Variants in CDK13 observed in about 807,000 individuals in gnomAD.
CDK13 encodes cyclin dependent kinase 13.
Under a neutral mutation model 137.6 loss-of-function variants are expected in CDK13, and 40 were observed. The observed-to-expected ratio is 0.29, with a 90% CI of 0.23 to 0.38. The LOEUF is 0.38. Among genes scored for constraint, CDK13 ranks in the 10% least tolerant of loss-of-function variants. CDK13 has a pLI of 1.00. For missense variants in CDK13, 1,704 were observed against 1,951.8 expected, an observed-to-expected ratio of 0.87 and a Z score of 2.39; for synonymous variants, 869 against 760.1, an observed-to-expected ratio of 1.14 and a Z score of -2.36.
At chr7:39,966,900 A>G (rs1783884476) in intron 1 of CDK13, among the ~76,000 whole-genome samples, 1 of 152,148 alleles carries the variant, frequency 6.6e-6, no homozygotes, top group African/African-American at 2.4e-5. Flanking sequence ...TTGCCTGGGT[A>G]TCAGCAGCGG....
chr7:40,062,606 T>A, intron 7 of CDK13: 1 of 485,578 alleles, frequency 2.1e-6, no homozygotes, highest in Non-Finnish European at 3.7e-6. Flanking sequence ...TTTGTTTTTA[T>A]CTTCATATAT....
In CDK13 at chr7:40,014,003, G is replaced by A. The variant is rs553671076; in HGVS notation, c.2353+11972G>A. 6.8e-5 allele frequency among the ~76,000 whole-genome samples: 10 copies of A among 147,822 alleles called. No homozygotes were observed. In the South Asian group the frequency reaches 2.1e-3, roughly 32 times the overall value. The stretch of plus-strand genomic sequence containing the variant: ...CAGTGCTTATTGTACATTTCAACCA[G>A]CATTTATAGTAATTTTATCTTTGGG... On this transcript the variant is annotated intron_variant, in intron 5 of 13. Coordinates refer to ENST00000181839, the MANE Select transcript of CDK13 (RefSeq NM_003718.5).
At chr7:39,997,750 TAAAATAA>T (rs769557420) in intron 3 of CDK13, 86 bp downstream of exon 3, 10 of 994,792 alleles carry the variant, frequency 1.0e-5, no homozygotes, top group Non-Finnish European at 1.5e-5. Flanking sequence ...AATTAAGGTT[TAAAATAA>T]AAAATGTACT....
At chr7:40,023,659 C>T (rs1366461293) in intron 5 of CDK13, among the ~76,000 whole-genome samples, 3 of 152,080 alleles carry the variant, frequency 2.0e-5, no homozygotes, top group Non-Finnish European at 4.4e-5. Context: ...GCCACCACGC[C>T]TGGCTAATTT....
chr7:40,060,235 G>A (rs1024680), intron 7 of CDK13, among the ~76,000 whole-genome samples: 82,385 of 151,798 alleles, frequency 0.54, 24,341 homozygotes, highest in African/African-American at 0.79. Flanking sequence ...GTTTCTCTAC[G>A]ATTCAACATA....
At chr7:39,992,397 C>T (rs913910977) in intron 2 of CDK13, among the ~76,000 whole-genome samples, 2 of 151,950 alleles carry the variant, frequency 1.3e-5, no homozygotes, top group Non-Finnish European at 2.9e-5. Context: ...GGGGTTTCAC[C>T]GTGTTGGCCA....
At chr7:39,961,390 G>C (rs1787615010) in intron 1 of CDK13, among the ~76,000 whole-genome samples, 1 of 152,128 alleles carries the variant, frequency 6.6e-6, no homozygotes, top group Non-Finnish European at 1.5e-5. Flanking sequence ...GTCAGTATCA[G>C]AATATGCAGT....
chr7:39,958,335 AT>A (rs900991911), intron 1 of CDK13, among the ~76,000 whole-genome samples: 2 of 151,698 alleles, frequency 1.3e-5, no homozygotes, highest in African/African-American at 2.4e-5. Context: ...TCTTAGAGTC[AT>A]TTTTTTTCTG....
intron 1 of CDK13, among the ~76,000 whole-genome samples, chr7:39,956,620 A>G (rs934011840): frequency 5.3e-5 from 8 of 152,172 alleles, no homozygotes; most frequent in African/African-American, 1.7e-4. Context: ...TGTCTAGGTC[A>G]CTTGCCCACC....
Position 40,091,688 on chromosome 7 carries a change from T to C in CDK13, c.3236-1097T>C, listed in dbSNP as rs570470756. On this transcript the variant is annotated intron_variant, in intron 12 of 13. Transcript: ENST00000181839. Reference sequence around the variant, plus strand: ...CATATGGAGAGACTACCTGTGGTAATAGGGAAATGAAAATAAGGAAAAATG... The same window carrying C: ...CATATGGAGAGACTACCTGTGGTAACAGGGAAATGAAAATAAGGAAAAATG... Among the ~76,000 whole-genome samples the C allele has an allele frequency of 5.9e-5, 9 of 152,212 alleles. No individual in the cohort carries two copies. The South Asian group carries it at 1.7e-3, about 28-fold the overall frequency.
intron 1 of CDK13, chr7:39,986,974 G>C (rs1014018931): frequency 6.6e-6 from 1 of 152,214 alleles, no homozygotes; most frequent in South Asian, 2.1e-4. Flanking sequence ...TTTTAGTAGA[G>C]ACGGGGTTTC....
At chr7:40,019,267 C>T (rs139740606) in intron 5 of CDK13, among the ~76,000 whole-genome samples, 1 of 152,132 alleles carries the variant, frequency 6.6e-6, no homozygotes, top group Non-Finnish European at 1.5e-5. Context: ...TAAATATGTG[C>T]AGCTTATTAT....
At chr7:40,063,622 A>G (rs1346300423) in intron 9 of CDK13, among the ~76,000 whole-genome samples, 3 of 151,952 alleles carry the variant, frequency 2.0e-5, no homozygotes, top group African/African-American at 7.3e-5. Context: ...TTACTCATAC[A>G]TTTTAGTCGC....
rs1467806436 is a variant in CDK13, at chr7:40,020,501, T to C, written c.2353+18470T>C. ...TTTCCCTCCTGCTGTTCCCCCAATG[T>C]ATTTCGTTGCCTAAGAAAGGCTAAA... On this transcript the variant is annotated intron_variant, in intron 5 of 13. Coordinates refer to ENST00000181839, the MANE Select transcript of CDK13 (RefSeq NM_003718.5). Among the ~76,000 whole-genome samples, 4 of 152,340 alleles carry C rather than the reference T, an allele frequency of 2.6e-5. No homozygotes were observed. In the East Asian group the frequency reaches 7.7e-4, roughly 29 times the overall value.
chr7:40,005,311 C>T (rs1186533499), intron 5 of CDK13, among the ~76,000 whole-genome samples: 1 of 146,726 alleles, frequency 6.8e-6, no homozygotes, highest in Non-Finnish European at 1.5e-5. Context: ...TTTTTTGAGA[C>T]CCAAGTCTTG....
chr7:40,016,660 GTTC>G (rs1025050201), intron 5 of CDK13, among the ~76,000 whole-genome samples: 73 of 152,092 alleles, frequency 4.8e-4, no homozygotes, highest in African/African-American at 1.3e-3. Flanking sequence ...AGGAGGCATA[GTTC>G]TTCTTTATAC....
At chr7:39,960,586 T>G (rs964256727) in intron 1 of CDK13, among the ~76,000 whole-genome samples, 1 of 151,076 alleles carries the variant, frequency 6.6e-6, no homozygotes, top group Non-Finnish European at 1.5e-5. Flanking sequence ...AATTTATTTA[T>G]TTAAGATGGA....
intron 5 of CDK13, among the ~76,000 whole-genome samples, chr7:40,010,106 TTTA>T (rs1236643490): frequency 7.0e-6 from 1 of 143,354 alleles, no homozygotes; most frequent in African/African-American, 3.0e-5. Flanking sequence ...GTACTTTATT[TTTA>T]TTATTATCGT....
intron 5 of CDK13, among the ~76,000 whole-genome samples, chr7:40,017,415 T>C (rs988402918): frequency 6.6e-6 from 1 of 152,140 alleles, no homozygotes; most frequent in African/African-American, 2.4e-5. Flanking sequence ...TTTTACATTC[T>C]AATAAAATTT....
Sources: gnomAD v4.1 joint callset for allele counts (sites outside exome capture counted in the v4.1 genomes callset) on GRCh38, gnomAD v4.1.1 for gene constraint, MANE v1.5 for transcripts, NCBI Gene and HGNC (gene_info 2026-07-23, HGNC 2026-07-21) for gene names.